Variants in R3HDM1 observed in about 807,000 individuals in gnomAD.
R3HDM1 encodes R3H domain containing 1, also known as R3H domain-containing protein 1.
R3HDM1 carries 46 observed loss-of-function variants against 141.1 expected under a neutral mutation model. That is an observed-to-expected ratio of 0.33 (90% CI 0.26 to 0.42). The LOEUF is 0.42. Among genes scored for constraint, R3HDM1 ranks in the 10% least tolerant of loss-of-function variants. The pLI, the probability that R3HDM1 is intolerant of heterozygous loss-of-function variation, is 1.00. For synonymous variants in R3HDM1, 435 were observed against 472.9 expected, an observed-to-expected ratio of 0.92 and a Z score of 1.04; for missense variants, 1,184 against 1,368.3, an observed-to-expected ratio of 0.87 and a Z score of 2.12.
At chr2:135,628,478 G>A (rs750279577) in intron 7 of R3HDM1, among the ~76,000 whole-genome samples, 27 of 152,170 alleles carry the variant, frequency 1.8e-4, no homozygotes, top group Non-Finnish European at 2.9e-4. Context: ...GTTATTTCAT[G>A]CAGATAGTGG....
chr2:135,609,262 A>G (rs2105131127), intron 3 of R3HDM1, among the ~76,000 whole-genome samples: 1 of 152,244 alleles, frequency 6.6e-6, no homozygotes, highest in South Asian at 2.1e-4. Context: ...ACTTTTAAAA[A>G]ATGTTGTGTT....
intron 3 of R3HDM1, among the ~76,000 whole-genome samples, chr2:135,611,689 T>C (rs2060564395): frequency 6.6e-6 from 1 of 152,204 alleles, no homozygotes; most frequent in Non-Finnish European, 1.5e-5. Flanking sequence ...TGAGTTCAAC[T>C]TTTTAAAACT....
chr2:135,645,475 C>A lies in R3HDM1; in HGVS notation c.1571C>A (p.Pro524Gln). The A allele has an allele frequency of 6.2e-7, 1 of 1,614,096 alleles. No homozygotes were observed. The highest frequency in any genetic ancestry group is 8.5e-7 in the Non-Finnish European group (1 of 1,179,980). Residue 524 changes from proline to glutamine, a missense_variant, in exon 16 of 27, where the codon CCA becomes CAA. Physicochemically the swap from Pro to Gln is moderately conservative, Grantham distance 76 (BLOSUM62 -1). This residue lies in a region of R3HDM1 where 563 missense variants were observed against 562.0 expected (regional missense o/e 1.00). Coordinates refer to ENST00000683871, the MANE Select transcript of R3HDM1 (RefSeq NM_001378107.1). Reference sequence around the variant, plus strand: ...TCCCAAGTGCCTGGACCTCCACAGCCACCTCTGCCAGCCCCACCTCAACAA... The same window carrying A: ...TCCCAAGTGCCTGGACCTCCACAGCAACCTCTGCCAGCCCCACCTCAACAA... ...VRSQVPGPPQ[P>Q]PLPAPPQQPA...
intron 1 of R3HDM1, among the ~76,000 whole-genome samples, chr2:135,548,876 C>T (rs544413696): frequency 1.3e-5 from 2 of 152,240 alleles, no homozygotes; most frequent in African/African-American, 4.8e-5. Flanking sequence ...ATAAGAAATA[C>T]CTGCTAACAT....
intron 21 of R3HDM1, among the ~76,000 whole-genome samples, chr2:135,706,949 G>T (rs1013966842): frequency 6.6e-6 from 1 of 152,026 alleles, no homozygotes; most frequent in Non-Finnish European, 1.5e-5. Flanking sequence ...TCCCAGTAGG[G>T]GCGGCCGGGC....
intron 14 of R3HDM1, among the ~76,000 whole-genome samples, chr2:135,640,398 G>C (rs1026795640): frequency 2.6e-5 from 4 of 152,086 alleles, no homozygotes; most frequent in African/African-American, 7.2e-5. Context: ...TGGCCACTTG[G>C]TCATCATAAC....
chr2:135,641,037 C>T (rs2063736706), intron 14 of R3HDM1, among the ~76,000 whole-genome samples: 1 of 152,096 alleles, frequency 6.6e-6, no homozygotes, highest in African/African-American at 2.4e-5. Flanking sequence ...TTAGATTCTG[C>T]AATTAAATTT....
At position 135,661,396 on chromosome 2, in the gene R3HDM1, G is replaced by A. The variant is rs1012022444; in HGVS notation, c.2152+3G>A. On this transcript the variant is annotated splice_donor_region_variant and intron_variant, in intron 19 of 26. Transcript: ENST00000683871. Reference sequence around the variant, plus strand: ...GCCACAACCTGCGCAGCAGACAGGTGAGTTGTGTTTCTTATGTCATAACTT... The same window carrying A: ...GCCACAACCTGCGCAGCAGACAGGTAAGTTGTGTTTCTTATGTCATAACTT... 8 of 1,613,578 alleles carry A rather than the reference G, an allele frequency of 5.0e-6. No homozygotes were observed. Among genetic ancestry groups the A allele is most frequent in the Non-Finnish European group, 6.8e-6 (8 of 1,179,772 alleles).
intron 17 of R3HDM1, 96 bp downstream of exon 17, chr2:135,650,099 T>C (rs1420940122): frequency 9.9e-7 from 1 of 1,013,220 alleles, no homozygotes; most frequent in African/African-American, 2.0e-5. Flanking sequence ...CTTTTGTGAT[T>C]TTTTTTGGGT....
At chr2:135,597,587 T>C (rs542474958) in intron 1 of R3HDM1, among the ~76,000 whole-genome samples, 22 of 152,348 alleles carry the variant, frequency 1.4e-4, no homozygotes, top group African/African-American at 5.3e-4. Context: ...TTTGATTTTC[T>C]TTATAGATGT....
At chr2:135,648,914 C>G (rs1217100715) in intron 16 of R3HDM1, among the ~76,000 whole-genome samples, 2 of 151,454 alleles carry the variant, frequency 1.3e-5, no homozygotes, top group African/African-American at 2.4e-5. Flanking sequence ...CATGTACTAT[C>G]TTAATAGAAA....
At chr2:135,551,022 A>G (rs1399165938) in intron 1 of R3HDM1, among the ~76,000 whole-genome samples, 5 of 152,230 alleles carry the variant, frequency 3.3e-5, no homozygotes. Context: ...TAAGAAAAAA[A>G]TAAATCCATC....
chr2:135,533,512 C>A (rs746277936), intron 1 of R3HDM1, among the ~76,000 whole-genome samples: 2 of 152,208 alleles, frequency 1.3e-5, no homozygotes, highest in Non-Finnish European at 2.9e-5. Context: ...CCTCCATGAA[C>A]CTCAGTTCGG....
At chr2:135,701,560 C>T (rs1280756086) in intron 21 of R3HDM1, among the ~76,000 whole-genome samples, 8 of 152,062 alleles carry the variant, frequency 5.3e-5, no homozygotes, top group Admixed American at 5.2e-4. Context: ...GTTGACTCTC[C>T]AACAGGATGT....
chr2:135,698,421 A>G (rs2105399602), intron 21 of R3HDM1, among the ~76,000 whole-genome samples: 1 of 152,134 alleles, frequency 6.6e-6, no homozygotes, highest in South Asian at 2.1e-4. Flanking sequence ...AGCCTCCCAA[A>G]GTGCTGGGAT....
At chr2:135,662,028 A>G (rs979452607) in intron 19 of R3HDM1, among the ~76,000 whole-genome samples, 1 of 152,154 alleles carries the variant, frequency 6.6e-6, no homozygotes, top group African/African-American at 2.4e-5. Context: ...AACAATTTTG[A>G]TCTCAGTGTA....
chr2:135,671,060 A>AAAAT (rs2068259280), intron 19 of R3HDM1, among the ~76,000 whole-genome samples: 1 of 151,620 alleles, frequency 6.6e-6, no homozygotes, highest in South Asian at 2.1e-4. Flanking sequence ...TCTGTCTCAA[A>AAAAT]AAATAATAGT....
intron 23 of R3HDM1, among the ~76,000 whole-genome samples, chr2:135,710,553 G>A (rs535199803): frequency 2.6e-5 from 4 of 152,266 alleles, no homozygotes; most frequent in South Asian, 2.1e-4. Context: ...GGAGGCTGAG[G>A]CAGGAGAATC....
intron 22 of R3HDM1, 87 bp from the exon 23 acceptor site, chr2:135,709,972 A>C (rs2075427450): frequency 7.5e-7 from 1 of 1,341,330 alleles, no homozygotes; most frequent in South Asian, 1.4e-5. Context: ...TCAGAAATGT[A>C]AAATTACTAC....
Sources: gnomAD v4.1 joint callset for allele counts (sites outside exome capture counted in the v4.1 genomes callset) on GRCh38, gnomAD v4.1.1 for gene constraint, gnomAD v4.1.1 regional missense constraint, MANE v1.5 for transcripts, NCBI Gene and HGNC (gene_info 2026-07-23, HGNC 2026-07-21) for gene names.